The following PDZRN4 variants were observed in gnomAD, a reference collection of about 807,000 sequenced individuals.
PDZRN4 encodes the protein PDZ domain containing ring finger 4.
Under a neutral mutation model 99.0 loss-of-function variants are expected in PDZRN4, and 70 were observed. The ratio of observed to expected loss-of-function variants is 0.71; its 90% CI spans 0.58 to 0.86. The LOEUF is 0.86. PDZRN4 is among the 40% of genes least tolerant of loss of function. The pLI, the probability that PDZRN4 is intolerant of heterozygous loss-of-function variation, is 0.00. For missense variants in PDZRN4, 1,474 were observed against 1,331.2 expected (o/e 1.11, Z -1.67); for synonymous variants, 551 against 501.6 (o/e 1.10, Z -1.32).
chr12:41,268,351 G>A (rs562844942), intron 3 of PDZRN4, among the ~76,000 whole-genome samples: 2 of 152,290 alleles, frequency 1.3e-5, no homozygotes, highest in South Asian at 2.1e-4. Context: ...ACATGGGCAG[G>A]AAGATAGTTT....
At chr12:41,554,673 A>C (rs1291694618) in intron 6 of PDZRN4, among the ~76,000 whole-genome samples, 1 of 152,154 alleles carries the variant, frequency 6.6e-6, no homozygotes, top group East Asian at 1.9e-4. Flanking sequence ...GTCATCACTC[A>C]AGTTTAGCCC....
chr12:41,350,221 G>A (rs1419077687), intron 3 of PDZRN4, among the ~76,000 whole-genome samples: 1 of 151,974 alleles, frequency 6.6e-6, no homozygotes, highest in African/African-American at 2.4e-5. Context: ...CTAATGTGCT[G>A]TTAGATTATC....
intron 3 of PDZRN4, chr12:41,412,476 G>A (rs1222615944): frequency 1.3e-5 from 2 of 152,126 alleles, no homozygotes; most frequent in Non-Finnish European, 2.9e-5. Context: ...CAGGTTAAAA[G>A]TTGGGAGTTC....
intron 3 of PDZRN4, among the ~76,000 whole-genome samples, chr12:41,492,669 A>C (rs1255142673): frequency 6.6e-6 from 1 of 152,152 alleles, no homozygotes; most frequent in African/African-American, 2.4e-5. Flanking sequence ...AAGTTCTTTA[A>C]AGTATGAGAT....
In PDZRN4 at chr12:41,359,470, G is replaced by C. The variant is rs971187585; in HGVS notation, c.844-146986G>C. 7.2e-5 allele frequency among the ~76,000 whole-genome samples: 11 copies of C among 152,046 alleles called. No individual in the cohort carries two copies. In the South Asian group the frequency reaches 2.3e-3, roughly 32 times the overall value. ...GGACTTACTGCACTGACATGGTTTG[G>C]TTGTGTCCCCACCCAAATCTCATCT... On this transcript the variant is annotated intron_variant, in intron 3 of 9. Transcript: ENST00000402685.
intron 3 of PDZRN4, among the ~76,000 whole-genome samples, chr12:41,500,486 G>C (rs537694485): frequency 5.9e-5 from 9 of 152,066 alleles, no homozygotes. Flanking sequence ...GGACTTTGGG[G>C]TTGATGCAAT....
chr12:41,339,192 A>G (rs576857127), intron 3 of PDZRN4, among the ~76,000 whole-genome samples: 1 of 152,108 alleles, frequency 6.6e-6, no homozygotes, highest in Admixed American at 6.6e-5. Context: ...GAGTTATGGT[A>G]ACCAAAACAG....
intron 3 of PDZRN4, among the ~76,000 whole-genome samples, chr12:41,367,524 A>T (rs1952010171): frequency 6.6e-6 from 1 of 152,000 alleles, no homozygotes; most frequent in African/African-American, 2.4e-5. Context: ...AAATAAATAA[A>T]TAAAAAAGAA....
chr12:41,516,160 C>T (rs11615166), intron 5 of PDZRN4, among the ~76,000 whole-genome samples: 1 of 151,910 alleles, frequency 6.6e-6, no homozygotes, highest in Non-Finnish European at 1.5e-5. Context: ...TCTTTCCCAC[C>T]ACTGAACTCC....
intron 3 of PDZRN4, among the ~76,000 whole-genome samples, chr12:41,293,291 G>C (rs1429732282): frequency 6.7e-6 from 1 of 149,134 alleles, no homozygotes; most frequent in Non-Finnish European, 1.5e-5. Context: ...AATTTCCCTG[G>C]TGCTGACGAG....
chr12:41,246,304 G>T (rs1951133473), intron 3 of PDZRN4, among the ~76,000 whole-genome samples: 1 of 151,882 alleles, frequency 6.6e-6, no homozygotes, highest in Non-Finnish European at 1.5e-5. Context: ...TAATTGACAG[G>T]GTATTTCAAC....
Position 41,294,256 on chromosome 12 carries a change from C to T in PDZRN4, c.843+100068C>T, listed in dbSNP as rs576397533. Among the ~76,000 whole-genome samples the T allele has an allele frequency of 4.6e-5, 7 of 152,268 alleles. No homozygotes were observed. In the East Asian group the frequency reaches 7.7e-4, roughly 17 times the overall value. ...GTGCAAGTCCTGCCTTTAACACCCT[C>T]GTTGTGCAAGTCACTTGCCATCTCA... On this transcript the variant is annotated intron_variant, in intron 3 of 9. Coordinates refer to ENST00000402685, the MANE Select transcript of PDZRN4 (RefSeq NM_001164595.2).
intron 3 of PDZRN4, among the ~76,000 whole-genome samples, chr12:41,295,861 T>C (rs1036220845): frequency 1.3e-5 from 2 of 152,190 alleles, no homozygotes; most frequent in African/African-American, 2.4e-5. Flanking sequence ...AAAAAGTTTA[T>C]GGGGACAATG....
chr12:41,500,714 A>G (rs900899314), intron 3 of PDZRN4, among the ~76,000 whole-genome samples: 2 of 152,118 alleles, frequency 1.3e-5, no homozygotes, highest in Non-Finnish European at 2.9e-5. Context: ...ACAATGTTCA[A>G]ATAGAGTCAA....
At position 41,273,872 on chromosome 12, in the gene PDZRN4, C is replaced by A. The variant is rs558401578; in HGVS notation, c.843+79684C>A. On this transcript the variant is annotated intron_variant, in intron 3 of 9. Transcript: ENST00000402685. The stretch of plus-strand genomic sequence containing the variant: ...GGCAGCAGATGCCAAAGAACTAGTT[C>A]AGCAATTATGCCTTAATGTCATCCC... 4.6e-5 allele frequency among the ~76,000 whole-genome samples: 7 copies of A among 152,124 alleles called. No homozygotes were observed. In the South Asian group the frequency reaches 1.5e-3, roughly 32 times the overall value.
chr12:41,217,532 A>G (rs915936344), intron 3 of PDZRN4, among the ~76,000 whole-genome samples: 2 of 152,082 alleles, frequency 1.3e-5, no homozygotes, highest in African/African-American at 4.8e-5. Flanking sequence ...CAGAGATCCA[A>G]TTAGATAGTA....
At chr12:41,354,502 C>T (rs895911114) in intron 3 of PDZRN4, among the ~76,000 whole-genome samples, 15 of 151,084 alleles carry the variant, frequency 9.9e-5, no homozygotes, top group African/African-American at 3.6e-4. Flanking sequence ...AAAAAAAGGA[C>T]AGAAACAAAT....
At chr12:41,474,511 C>T (rs1953021981) in intron 3 of PDZRN4, among the ~76,000 whole-genome samples, 2 of 152,162 alleles carry the variant, frequency 1.3e-5, no homozygotes, top group South Asian at 4.1e-4. Context: ...CAAAGTCTTA[C>T]AGTTTGTAAA....
intron 3 of PDZRN4, among the ~76,000 whole-genome samples, chr12:41,262,791 G>A (rs1005662246): frequency 7.2e-5 from 11 of 152,030 alleles, no homozygotes; most frequent in African/African-American, 2.7e-4. Flanking sequence ...CATTTTAGAT[G>A]GATTCTATGT....
Sources: gnomAD v4.1 joint callset for allele counts (sites outside exome capture counted in the v4.1 genomes callset) on GRCh38, gnomAD v4.1.1 for gene constraint, MANE v1.5 for transcripts, NCBI Gene and HGNC (gene_info 2026-07-23, HGNC 2026-07-21) for gene names.